TTC7A: variants seen among roughly 807,000 people sequenced by gnomAD.
TTC7A encodes the protein tetratricopeptide repeat domain 7A, also known as tetratricopeptide repeat protein 7A.
Under a neutral mutation model 103.7 loss-of-function variants are expected in TTC7A, and 110 were observed. That is an observed-to-expected ratio of 1.06 (90% confidence interval 0.91 to 1.24). The LOEUF is 1.24. Ranked by LOEUF, TTC7A falls within the 50% of genes most tolerant of loss-of-function variation. TTC7A has a pLI of 0.00. For missense variants in TTC7A, 1,340 were observed against 1,116.3 expected (o/e 1.20, Z -2.86); for synonymous variants, 521 against 467.9 (o/e 1.11, Z -1.47).
intron 8 of TTC7A, among the ~76,000 whole-genome samples, chr2:47,005,705 C>T (rs545814960): frequency 6.6e-6 from 1 of 152,272 alleles, no homozygotes; most frequent in Non-Finnish European, 1.5e-5. Context: ...GAACTGCTCC[C>T]TCACCTAAAC....
Position 46,941,629 on chromosome 2 carries a change from C to T in TTC7A, c.88C>T (p.Pro30Ser). 1 of 1,555,028 alleles carries T rather than the reference C, an allele frequency of 6.4e-7. No homozygotes were observed. The highest frequency in any genetic ancestry group is 8.7e-7 in the Non-Finnish European group (1 of 1,149,834). The part of the protein sequence containing the change: ...CRAEGHWDRM[P>S]ELVRQLQTLS... ...CGCCGAGGGCCACTGGGACCGCATG[C>T]CGGAGCTGGTCCGGCAGCTGCAGAC... Residue 30 changes from proline to serine, a missense_variant, in exon 1 of 20, where the codon CCG (proline) becomes TCG (serine). Physicochemically the swap from Pro to Ser is moderately conservative, Grantham distance 74. Transcript: ENST00000319190. This position sits in a 1 kb window ranked among gnomAD's most constrained non-coding sequence, Gnocchi z 4.2.
intron 19 of TTC7A, among the ~76,000 whole-genome samples, chr2:47,062,511 T>TC (rs1683872474): frequency 6.6e-6 from 1 of 152,224 alleles, no homozygotes; most frequent in Non-Finnish European, 1.5e-5. Flanking sequence ...CATTAGCTTC[T>TC]TTGATAAATG....
At chr2:46,997,089 C>A (rs1676281223) in intron 8 of TTC7A, among the ~76,000 whole-genome samples, 1 of 152,156 alleles carries the variant, frequency 6.6e-6, no homozygotes, top group African/African-American at 2.4e-5. Context: ...AGCGATTCTT[C>A]TGTCTCAGCT....
intron 19 of TTC7A, among the ~76,000 whole-genome samples, chr2:47,071,912 TG>T (rs935085912): frequency 1.3e-5 from 2 of 152,380 alleles, no homozygotes; most frequent in African/African-American, 4.8e-5. Flanking sequence ...ACTCCGGCCC[TG>T]GCCCTCTCTG....
chr2:46,950,623 C>T (rs1671326143), intron 2 of TTC7A, 97 bp downstream of exon 2: 2 of 1,353,264 alleles, frequency 1.5e-6, no homozygotes, highest in Non-Finnish European at 2.0e-6. Flanking sequence ...ACCTGAGCAA[C>T]AAGTCTCTCT....
At chr2:47,006,381 T>G (rs1677387690) in intron 9 of TTC7A, among the ~76,000 whole-genome samples, 1 of 152,212 alleles carries the variant, frequency 6.6e-6, no homozygotes. Context: ...TTCCATTTGC[T>G]CTTTGCCATC....
intron 3 of TTC7A, among the ~76,000 whole-genome samples, chr2:46,969,312 G>A (rs1377807149): frequency 1.3e-5 from 2 of 151,978 alleles, no homozygotes; most frequent in African/African-American, 4.8e-5. Flanking sequence ...GACTATCCTG[G>A]CTAACATGGC....
At position 47,075,490 on chromosome 2, in the gene TTC7A, A is replaced by G. The variant is rs753738169; in HGVS notation, c.*1567A>G. 3 of 152,180 alleles carry G rather than the reference A, an allele frequency of 2.0e-5. No individual in the cohort carries two copies. Among genetic ancestry groups the G allele is most frequent in the Non-Finnish European group, 4.4e-5 (3 of 68,036 alleles). 9.4% of individuals were successfully genotyped at this position (152,180 alleles called of 1,614,324 possible). ...AGCATTTCCTTGTTGGAAGCAGCAG[A>G]GGGCCAGGCCAAGTTGCTGACAGTG... On this transcript the variant is annotated 3_prime_UTR_variant, in exon 20 of 20. Transcript: ENST00000319190.
At chr2:46,957,424 T>C (rs1234090318) in intron 3 of TTC7A, among the ~76,000 whole-genome samples, 1 of 152,254 alleles carries the variant, frequency 6.6e-6, no homozygotes, top group Admixed American at 6.5e-5. Context: ...CTGGCTCTGC[T>C]GACTGGCGCT....
intron 10 of TTC7A, 63 bp from the exon 11 acceptor site, chr2:47,011,268 C>G: frequency 2.0e-6 from 3 of 1,478,262 alleles, no homozygotes; most frequent in Non-Finnish European, 2.8e-6. Flanking sequence ...AAGCTCGCCC[C>G]ACTGTGGGCC....
At chr2:47,073,460 G>A (rs771365400) in intron 19 of TTC7A, among the ~76,000 whole-genome samples, 21 of 152,208 alleles carry the variant, frequency 1.4e-4, no homozygotes, top group Non-Finnish European at 2.2e-4. Context: ...CCTCGGGACC[G>A]GCAGGAACAG....
At chr2:47,022,313 C>T (rs1282619526) in intron 12 of TTC7A, among the ~76,000 whole-genome samples, 1 of 152,244 alleles carries the variant, frequency 6.6e-6, no homozygotes, top group Non-Finnish European at 1.5e-5. Context: ...CTGTAATGCG[C>T]CATCAGCCCT....
chr2:47,043,924 G>A lies in TTC7A; in HGVS notation c.1803-2391G>A, dbSNP rs563932747. 1.2e-4 allele frequency among the ~76,000 whole-genome samples: 19 copies of A among 152,276 alleles called. 1 individual carries two copies. The South Asian group carries it at 3.3e-3, about 27-fold the overall frequency. ...GTCGGGTCTGCCCTAGACCCATTCC[G>A]GCCCTCAAAGATGAAGAAAATGAGA... On this transcript the variant is annotated intron_variant, in intron 15 of 19. Coordinates refer to ENST00000319190, the MANE Select transcript of TTC7A (RefSeq NM_020458.4).
At chr2:47,030,543 T>G (rs377073435) in intron 15 of TTC7A, among the ~76,000 whole-genome samples, 57 of 152,242 alleles carry the variant, frequency 3.7e-4, no homozygotes, top group African/African-American at 1.3e-3. Context: ...GCTTTGGGAG[T>G]GGCAGTGTTT....
At chr2:46,974,716 T>A (rs373269939) in intron 3 of TTC7A, 4 of 578,476 alleles carry the variant, frequency 6.9e-6, no homozygotes, top group South Asian at 6.1e-5. Flanking sequence ...AGAGGAGGGG[T>A]CAGGAGTGGC....
At chr2:47,020,943 C>T (rs1455498579) in intron 11 of TTC7A, among the ~76,000 whole-genome samples, 1 of 152,224 alleles carries the variant, frequency 6.6e-6, no homozygotes, top group Non-Finnish European at 1.5e-5. Flanking sequence ...TCCCTGGTCT[C>T]CTGACTCTGT....
intron 5 of TTC7A, among the ~76,000 whole-genome samples, chr2:46,992,994 A>G (rs1675782508): frequency 6.6e-6 from 1 of 152,226 alleles, no homozygotes; most frequent in Non-Finnish European, 1.5e-5. Context: ...GTGGTCATCA[A>G]GGCCCAAGGT....
At chr2:46,917,251 G>A (rs1668856762) in exon 2 of TTC7A, 2 of 699,042 alleles carry the variant, frequency 2.9e-6, no homozygotes, top group Admixed American at 2.0e-5. Flanking sequence ...CACCACCTCC[G>A]CCTCCCAAAG....
intron 2 of TTC7A, among the ~76,000 whole-genome samples, chr2:46,917,723 C>A (rs6758093): frequency 8.5e-5 from 13 of 152,098 alleles, no homozygotes; most frequent in Non-Finnish European, 1.8e-4. Flanking sequence ...CACCATACCA[C>A]TGAAACTGCA....
Sources: gnomAD v4.1 joint callset for allele counts (sites outside exome capture counted in the v4.1 genomes callset) on GRCh38, gnomAD v4.1.1 for gene constraint, Gnocchi (gnomAD v3.1) non-coding constraint, MANE v1.5 for transcripts, NCBI Gene and HGNC (gene_info 2026-07-23, HGNC 2026-07-21) for gene names.